Variants in NEBL observed in about 807,000 individuals in gnomAD.
NEBL encodes nebulette, also known as LIM and SH3 protein 2.
A neutral mutation model predicts 140.2 loss-of-function variants in NEBL; 122 were observed. The ratio of observed to expected loss-of-function variants is 0.87; its 90% confidence interval spans 0.75 to 1.01. The LOEUF (loss-of-function observed/expected upper bound fraction) is 1.01. NEBL is among the 50% of genes least tolerant of loss of function. NEBL has a pLI of 0.00. For synonymous variants in NEBL, 436 were observed against 398.9 expected, an observed-to-expected ratio of 1.09 and a Z score of -1.11; for missense variants, 1,365 against 1,231.3, an observed-to-expected ratio of 1.11 and a Z score of -1.62.
chr10:21,186,297 CACAT>C (rs1405549056), intron 3 of NEBL, among the ~76,000 whole-genome samples: 1 of 150,814 alleles, frequency 6.6e-6, no homozygotes, highest in Non-Finnish European at 1.5e-5. Context: ...CACACACACA[CACAT>C]TCCCCCCCAC....
intron 2 of NEBL, among the ~76,000 whole-genome samples, chr10:21,057,432 G>A (rs1835071760): frequency 6.6e-6 from 1 of 151,374 alleles, no homozygotes; most frequent in South Asian, 2.1e-4. Context: ...AAACCATTTG[G>A]GACCTTTATC....
chr10:21,245,445 A>C (rs1014473549), intron 3 of NEBL, among the ~76,000 whole-genome samples: 4 of 152,248 alleles, frequency 2.6e-5, no homozygotes, highest in African/African-American at 9.6e-5. Flanking sequence ...TTTAACTATA[A>C]GAAGTCTGCC....
intron 2 of NEBL, among the ~76,000 whole-genome samples, chr10:21,046,758 GC>G (rs1050544039): frequency 1.3e-5 from 2 of 151,928 alleles, no homozygotes; most frequent in Non-Finnish European, 2.9e-5. Context: ...CTGCCACCAC[GC>G]CCGACTAATT....
rs74261069 is a variant in NEBL, at chr10:20,967,183, G to GAA, written c.250-5406_250-5405dup. Among the ~76,000 whole-genome samples the GAA allele has an allele frequency of 1.9e-4, 27 of 142,320 alleles. No homozygotes were observed. The East Asian group carries it at 3.4e-3, about 18-fold the overall frequency. 93.4% of individuals were successfully genotyped at this position (142,320 alleles called of 152,430 possible). A position where few individuals can be genotyped will look rare whatever the true frequency, so the allele number is the denominator to read the frequency against. On this transcript the variant is annotated intron_variant, in intron 3 of 6. Coordinates refer to the NEBL transcript ENST00000417816. ...TAATAACGTTGTTTCTATTTTCAAA[G>GAA]AAAAAAAAAAATAGGAAACAACCTA...
intron 26 of NEBL, among the ~76,000 whole-genome samples, chr10:20,792,072 G>A (rs12356595): frequency 0.056 from 8,300 of 148,290 alleles, 333 homozygotes; most frequent in Admixed American, 0.1. Flanking sequence ...TGAAGGTTTT[G>A]AAGGCCCCTC....
chr10:20,840,620 G>C (rs1430019255), intron 13 of NEBL, 119 bp downstream of exon 13: 2 of 723,860 alleles, frequency 2.8e-6, no homozygotes. Flanking sequence ...CAAGGATATA[G>C]CTGTTTACAA....
intron 3 of NEBL, among the ~76,000 whole-genome samples, chr10:21,231,920 C>T (rs1842267484): frequency 6.6e-6 from 1 of 152,158 alleles, no homozygotes; most frequent in Non-Finnish European, 1.5e-5. Context: ...GGAGGCCAGA[C>T]ACACCTCGCT....
intron 3 of NEBL, among the ~76,000 whole-genome samples, chr10:21,235,799 T>C (rs1421049016): frequency 1.3e-5 from 2 of 152,168 alleles, no homozygotes; most frequent in Non-Finnish European, 2.9e-5. Flanking sequence ...TAATTAGGGA[T>C]CAGGGATGTG....
At chr10:21,239,957 A>G (rs1564548183) in intron 3 of NEBL, among the ~76,000 whole-genome samples, 1 of 151,894 alleles carries the variant, frequency 6.6e-6, no homozygotes, top group Non-Finnish European at 1.5e-5. Flanking sequence ...CAGAGCTTGC[A>G]GTGAGCCGAG....
intron 2 of NEBL, among the ~76,000 whole-genome samples, chr10:21,168,893 CA>C (rs1840919798): frequency 6.7e-6 from 1 of 149,948 alleles, no homozygotes. Flanking sequence ...CTAAAAAATA[CA>C]AAAAATTAGC....
intron 2 of NEBL, among the ~76,000 whole-genome samples, chr10:21,166,233 A>G (rs1260402203): frequency 7.9e-6 from 1 of 125,898 alleles, no homozygotes; most frequent in East Asian, 2.1e-4. Flanking sequence ...AAAAAAAAAA[A>G]AAAAAAAAAA....
intron 3 of NEBL, among the ~76,000 whole-genome samples, chr10:21,238,323 A>T (rs1282750695): frequency 6.6e-6 from 1 of 152,220 alleles, no homozygotes; most frequent in African/African-American, 2.4e-5. Flanking sequence ...TGTCTAAAAT[A>T]GTTTGTACTT....
Position 21,235,452 on chromosome 10 carries a change from C to T in NEBL, n.348+12469G>A, listed in dbSNP as rs375924426. Among the ~76,000 whole-genome samples the T allele has an allele frequency of 2.6e-5, 4 of 152,216 alleles. No individual in the cohort carries two copies. The East Asian group carries it at 7.7e-4, about 29-fold the overall frequency. ...GCCTCAGCCTCCCTAGTAGCTGGGA[C>T]TACAGGTGCCTGAGACCACGCCCAG... On this transcript the variant is annotated intron_variant and non_coding_transcript_variant, in intron 3 of 8. Transcript: ENST00000675702.
At chr10:21,277,746 T>C (rs1842942098) in intron 1 of NEBL, among the ~76,000 whole-genome samples, 1 of 152,218 alleles carries the variant, frequency 6.6e-6, no homozygotes. Flanking sequence ...TTTGGGCCTT[T>C]CCATGTTAAC....
At chr10:20,800,474 T>G (rs942986465) in intron 26 of NEBL, among the ~76,000 whole-genome samples, 1 of 152,064 alleles carries the variant, frequency 6.6e-6, no homozygotes, top group Non-Finnish European at 1.5e-5. Context: ...TTCATCTACT[T>G]TGGGTTGGGT....
intron 3 of NEBL, among the ~76,000 whole-genome samples, chr10:21,183,994 C>T (rs758898131): frequency 6.6e-6 from 1 of 152,166 alleles, no homozygotes; most frequent in Admixed American, 6.5e-5. Context: ...CACCTTCCAC[C>T]ATGATTGTGA....
chr10:21,158,026 T>G (rs1232216403), intron 2 of NEBL, among the ~76,000 whole-genome samples: 4 of 152,182 alleles, frequency 2.6e-5, no homozygotes, highest in Non-Finnish European at 5.9e-5. Context: ...TACAGACACT[T>G]AGATTTCGGA....
chr10:21,087,334 T>TGTTAGGG (rs1400509610), intron 2 of NEBL, among the ~76,000 whole-genome samples: 1 of 152,246 alleles, frequency 6.6e-6, no homozygotes, highest in Non-Finnish European at 1.5e-5. Flanking sequence ...GAGCCTGGCT[T>TGTTAGGG]GTTAGGGTAC....
intron 4 of NEBL, among the ~76,000 whole-genome samples, chr10:20,917,539 A>G (rs1564442119): frequency 6.6e-6 from 1 of 152,214 alleles, no homozygotes; most frequent in Non-Finnish European, 1.5e-5. Context: ...CATGCTGGCC[A>G]CACATTACTA....
Sources: gnomAD v4.1 joint callset for allele counts (sites outside exome capture counted in the v4.1 genomes callset) on GRCh38, gnomAD v4.1.1 for gene constraint, MANE v1.5 for transcripts, NCBI Gene and HGNC (gene_info 2026-07-23, HGNC 2026-07-21) for gene names.